NUP155: variants seen among roughly 807,000 people sequenced by gnomAD.
NUP155 encodes nucleoporin 155.
In NUP155, 71 loss-of-function variants were observed where a neutral mutation model predicts 180.4. The observed-to-expected ratio is 0.39, with a 90% confidence interval of 0.33 to 0.48. NUP155 has a LOEUF of 0.48. NUP155 is among the 20% of genes least tolerant of loss of function. The pLI is 0.91. For synonymous variants in NUP155, 582 were observed against 559.5 expected (o/e 1.04, Z -0.57); for missense variants, 1,553 against 1,648.9 (o/e 0.94, Z 1.01).
chr5:37,351,142 C>T (rs1746429682), intron 6 of NUP155, 48 bp downstream of exon 6: 2 of 1,422,398 alleles, frequency 1.4e-6, no homozygotes, highest in Non-Finnish European at 2.0e-6. Context: ...TTATCTTTCC[C>T]TACTCCATCA....
intron 1 of NUP155, among the ~76,000 whole-genome samples, chr5:37,367,962 TTAG>T (rs1747710392): frequency 6.6e-6 from 1 of 152,126 alleles, no homozygotes; most frequent in East Asian, 1.9e-4. Context: ...TTTTGTATTT[TTAG>T]TAGAGACGGG....
At chr5:37,365,736 A>ATATATATAT (rs1273845086) in intron 1 of NUP155, among the ~76,000 whole-genome samples, 1 of 35,708 alleles carries the variant, frequency 2.8e-5, no homozygotes, top group African/African-American at 9.4e-5. Context: ...AAAAAAAAAA[A>ATATATATAT]AAATATATAT....
At chr5:37,302,949 A>G (rs751623962) in intron 28 of NUP155, 41 bp from the exon 29 acceptor site, 1 of 1,608,084 alleles carries the variant, frequency 6.2e-7, no homozygotes, top group Non-Finnish European at 8.5e-7. Context: ...ACAATTTCTT[A>G]AGGATTGATG....
intron 32 of NUP155, among the ~76,000 whole-genome samples, chr5:37,296,010 G>C (rs1193695300): frequency 7.2e-6 from 1 of 139,432 alleles, no homozygotes; most frequent in African/African-American, 2.7e-5. Flanking sequence ...GGAGGGGGGG[G>C]TCAGCCCCCC....
chr5:37,368,942 G>C (rs1264423128), intron 1 of NUP155, among the ~76,000 whole-genome samples: 1 of 152,206 alleles, frequency 6.6e-6, no homozygotes, highest in African/African-American at 2.4e-5. Context: ...GATAACTTTA[G>C]TGAGGATGGG....
At chr5:37,334,898 G>A (rs1444944113) in intron 12 of NUP155, among the ~76,000 whole-genome samples, 2 of 151,996 alleles carry the variant, frequency 1.3e-5, no homozygotes, top group Non-Finnish European at 2.9e-5. Flanking sequence ...GGTGGCTCAC[G>A]CCTATAATCC....
intron 30 of NUP155, among the ~76,000 whole-genome samples, chr5:37,299,860 C>T (rs1742772387): frequency 6.9e-6 from 1 of 144,660 alleles, no homozygotes; most frequent in African/African-American, 2.8e-5. Context: ...TGGTGAAACC[C>T]CGTCTCTACT....
At position 37,298,937 on chromosome 5, in the gene NUP155, G is replaced by C; in HGVS notation, c.3724C>G (p.His1242Asp). The change falls in exon 32 of 35, where the codon CAT becomes GAT. Residue 1242 changes from histidine (H) to aspartate (D), a missense_variant. His to Asp is a moderately conservative substitution (Grantham distance 81, BLOSUM62 -1). Transcript: ENST00000231498. ...SVTLSSSDRM[H>D]ALSLKIVLLG... ...AGAACAATCTTGAGACTAAGAGCAT[G>C]CATTCTATCCGAGGAGCTCAATGTC... is the stretch of plus-strand genomic sequence containing the variant. The C allele has an allele frequency of 6.2e-7, 1 of 1,613,092 alleles. No homozygotes were observed. The highest frequency in any genetic ancestry group is 8.5e-7 in the Non-Finnish European group (1 of 1,179,054).
intron 18 of NUP155, among the ~76,000 whole-genome samples, 166 bp downstream of exon 18, chr5:37,327,463 T>C (rs1381474195): frequency 1.3e-5 from 2 of 152,134 alleles, no homozygotes; most frequent in Non-Finnish European, 2.9e-5. Flanking sequence ...ATGAATATAG[T>C]TAGATAACAA....
At chr5:37,319,295 C>T (rs1009611566) in intron 20 of NUP155, among the ~76,000 whole-genome samples, 5 of 152,142 alleles carry the variant, frequency 3.3e-5, no homozygotes, top group Non-Finnish European at 7.3e-5. Context: ...TATGAATTTA[C>T]TAAAAGTCAC....
In NUP155 at chr5:37,333,577, TTTCAA is replaced by T; in HGVS notation, c.1399_1403del (p.Leu467SerfsTer3). The stretch of plus-strand genomic sequence containing the variant: ...TTAAAGGTGTAATTATTTTATCTAC[TTTCAA>T]TTCATCTATCGCAGAAAGAGCCCAG... On this transcript the variant is annotated frameshift_variant, in exon 13 of 35. Transcript: ENST00000231498. LOFTEE classifies it high-confidence loss of function. 6.2e-7 allele frequency: 1 copy of T among 1,613,810 alleles called. No individual in the cohort carries two copies. Among genetic ancestry groups the T allele is most frequent in the Non-Finnish European group, 8.5e-7 (1 of 1,179,740 alleles).
chr5:37,368,373 C>G (rs577576858), intron 1 of NUP155, among the ~76,000 whole-genome samples: 92 of 152,018 alleles, frequency 6.1e-4, no homozygotes, highest in African/African-American at 2.1e-3. Context: ...GTGTGTGTCA[C>G]CATGCCAAGC....
chr5:37,321,951 G>A lies in NUP155; in HGVS notation c.2207+2041C>T, dbSNP rs530626847. On this transcript the variant is annotated intron_variant, in intron 20 of 34. Transcript: ENST00000231498. ...GCTCACCGCAACCTCCGCCTCCCAG[G>A]TTTAAGTGATTCGCCTGCCTCAGCC... 8.5e-5 allele frequency among the ~76,000 whole-genome samples: 13 copies of A among 152,136 alleles called. No individual in the cohort carries two copies. In the East Asian group the frequency reaches 1.6e-3, roughly 18 times the overall value.
intron 32 of NUP155, among the ~76,000 whole-genome samples, chr5:37,295,645 C>A (rs1282767913): frequency 6.8e-6 from 1 of 147,504 alleles, no homozygotes; most frequent in Non-Finnish European, 1.5e-5. Context: ...AAGTGAGGAG[C>A]GTCTCTGCCC....
intron 5 of NUP155, among the ~76,000 whole-genome samples, chr5:37,352,492 C>T (rs1746530028): frequency 6.6e-6 from 1 of 152,098 alleles, no homozygotes; most frequent in Admixed American, 6.6e-5. Flanking sequence ...AAGCCAAGAT[C>T]ACGCCATTGC....
rs1746212602 is a variant in NUP155 at position 37,348,016 on chromosome 5, C to T, written c.995+489G>A. On this transcript the variant is annotated intron_variant, in intron 9 of 34. Transcript: ENST00000231498. ...GGGCATGGTGGTGCATGTCCGTAAT[C>T]CCAACTACTCGGGAGGCTGAGGCAG... is the stretch of plus-strand genomic sequence containing the variant. 2.0e-5 allele frequency among the ~76,000 whole-genome samples: 3 copies of T among 152,138 alleles called. No individual in the cohort carries two copies. The South Asian group carries it at 6.2e-4, about 32-fold the overall frequency.
At chr5:37,305,347 C>T in intron 25 of NUP155, 137 bp from the exon 26 acceptor site, 2 of 732,982 alleles carry the variant, frequency 2.7e-6, no homozygotes, top group Non-Finnish European at 4.7e-6. Flanking sequence ...GAGTTCAAGA[C>T]TAGCCAGGGC....
At chr5:37,314,070 C>G in intron 22 of NUP155, 128 bp downstream of exon 22, 1 of 713,884 alleles carries the variant, frequency 1.4e-6, no homozygotes, top group Non-Finnish European at 2.3e-6. Context: ...TGCCATCTTC[C>G]CATAACATAC....
At chr5:37,300,321 T>C (rs1233442732) in intron 30 of NUP155, among the ~76,000 whole-genome samples, 2 of 152,208 alleles carry the variant, frequency 1.3e-5, no homozygotes, top group African/African-American at 4.8e-5. Context: ...TTTTAAAATA[T>C]ACAGTTATTA....
Sources: gnomAD v4.1 joint callset for allele counts (sites outside exome capture counted in the v4.1 genomes callset) on GRCh38, gnomAD v4.1.1 for gene constraint, MANE v1.5 for transcripts, NCBI Gene and HGNC (gene_info 2026-07-23, HGNC 2026-07-21) for gene names.